SIRPB1: variants seen among roughly 807,000 people sequenced by gnomAD.
The protein encoded by SIRPB1 is signal regulatory protein beta 1, also known as signal-regulatory protein beta-1.
SIRPB1 carries 28 observed loss-of-function variants against 34.1 expected under a neutral mutation model. The observed-to-expected ratio is 0.82, with a 90% confidence interval of 0.61 to 1.12. SIRPB1 has a LOEUF of 1.12. Among genes scored for constraint, SIRPB1 ranks in the 50% most tolerant of loss-of-function variants. The pLI is 0.00. For synonymous variants in SIRPB1, 211 were observed against 203.8 expected, an observed-to-expected ratio of 1.04 and a Z score of -0.30; for missense variants, 499 against 507.0, an observed-to-expected ratio of 0.98 and a Z score of 0.15.
intron 1 of SIRPB1, among the ~76,000 whole-genome samples, chr20:1,613,786 A>T (rs1224650980): frequency 1.3e-5 from 2 of 152,172 alleles, no homozygotes; most frequent in Admixed American, 6.5e-5. Context: ...TTCCAGGGGG[A>T]AAAAAGAGAA....
At chr20:1,579,498 T>C (rs1324850541) in intron 1 of SIRPB1, among the ~76,000 whole-genome samples, 1 of 148,464 alleles carries the variant, frequency 6.7e-6, no homozygotes, top group Non-Finnish European at 1.5e-5. Context: ...GATCAATTTC[T>C]CCCTTCCGGA....
rs1157994089 is a variant in SIRPB1, at chr20:1,578,519, GC to G, written c.251del (p.Gly84AlafsTer6). The G allele has an allele frequency of 1.0e-5, 16 of 1,583,730 alleles. 3 individuals carry two copies. Among genetic ancestry groups the G allele is most frequent in the Non-Finnish European group, 1.4e-5 (16 of 1,157,628 alleles). ...GRELIYNQKE[G>X]HFPRVTTVSE... ...AAACAGTTGTTACCCGTGGGAAGTG[GC>G]CTTCTTTCTGATTGTAGATTAATTC... is the stretch of plus-strand genomic sequence containing the variant. On this transcript the variant is annotated frameshift_variant, in exon 2 of 6. Coordinates refer to ENST00000381605, the MANE Select transcript of SIRPB1 (RefSeq NM_006065.5). LOFTEE classifies it high-confidence loss of function.
chr20:1,567,034 A>C (rs2122165379), intron 4 of SIRPB1, among the ~76,000 whole-genome samples: 1 of 152,246 alleles, frequency 6.6e-6, no homozygotes, highest in South Asian at 2.1e-4. Flanking sequence ...TCATGTTGGG[A>C]CTGTTTGCAT....
Position 1,578,452 on chromosome 20 carries a change from T to G in SIRPB1, c.319A>C (p.Ile107Leu), listed in dbSNP as rs1386871512. 3.2e-6 allele frequency: 5 copies of G among 1,584,636 alleles called. No individual in the cohort carries two copies. The highest frequency in any genetic ancestry group is 3.4e-5 in the Admixed American group (2 of 59,272). The change falls in exon 2 of 6, where the codon ATC becomes CTC. Residue 107 changes from isoleucine (I) to leucine (L), a missense_variant. Coordinates refer to ENST00000381605, the MANE Select transcript of SIRPB1 (RefSeq NM_006065.5). The stretch of plus-strand genomic sequence containing the variant: ...GCGTCTGCTGGGGTGATGTTACTGA[T>G]GCTGATGGAAAAGTCCAGGTTGTTT... Reference protein sequence around the residue: ...KRNNLDFSISISNITPADAGT... With the variant: ...KRNNLDFSISLSNITPADAGT...
intron 4 of SIRPB1, among the ~76,000 whole-genome samples, chr20:1,567,931 G>C (rs1399324754): frequency 1.3e-5 from 2 of 152,228 alleles, no homozygotes; most frequent in East Asian, 3.9e-4. Flanking sequence ...AGAAGGAATA[G>C]AGAATTGGGT....
intron 4 of SIRPB1, among the ~76,000 whole-genome samples, chr20:1,568,493 A>G (rs2091175428): frequency 6.6e-6 from 1 of 152,224 alleles, no homozygotes; most frequent in South Asian, 2.1e-4. Context: ...AAAAGACTCA[A>G]CCTTGTCCAG....
At chr20:1,617,305 G>A (rs1160634514) in intron 1 of SIRPB1, among the ~76,000 whole-genome samples, 1 of 152,130 alleles carries the variant, frequency 6.6e-6, no homozygotes, top group Non-Finnish European at 1.5e-5. Context: ...TCCATCAGCA[G>A]ATAAATGGAG....
rs1428614523 is a variant in SIRPB1 at position 1,613,302 on chromosome 20, CT to C, written c.76+6566del. Among the ~76,000 whole-genome samples, 4 of 74,036 alleles carry C rather than the reference CT, an allele frequency of 5.4e-5. 2 individuals carry two copies. Among genetic ancestry groups the C allele is most frequent in the Non-Finnish European group, 5.2e-5 (2 of 38,510 alleles). 48.6% of individuals were successfully genotyped at this position (74,036 alleles called of 152,430 possible). A position where few individuals can be genotyped will look rare whatever the true frequency, so the allele number is the denominator to read the frequency against. ...AGTTACATCTTCCCACCACTCTAAC[CT>C]CTTGCATCTTCACATGCAAACATCC... is the stretch of plus-strand genomic sequence containing the variant. On this transcript the variant is annotated intron_variant, in intron 1 of 5. Coordinates refer to ENST00000381605, the MANE Select transcript of SIRPB1 (RefSeq NM_006065.5).
At chr20:1,568,511 A>C (rs2091175842) in intron 4 of SIRPB1, among the ~76,000 whole-genome samples, 1 of 152,248 alleles carries the variant, frequency 6.6e-6, no homozygotes, top group Non-Finnish European at 1.5e-5. Context: ...CAGATGGTAC[A>C]GACTCATCTC....
At chr20:1,583,848 T>TTAA (rs2091410473) in intron 1 of SIRPB1, among the ~76,000 whole-genome samples, 1 of 32,578 alleles carries the variant, frequency 3.1e-5, no homozygotes, top group Non-Finnish European at 5.5e-5. Context: ...AAGGGAAGTC[T>TTAA]TACTACTACT....
At chr20:1,618,863 T>C (rs1043353980) in intron 1 of SIRPB1, among the ~76,000 whole-genome samples, 2 of 152,102 alleles carry the variant, frequency 1.3e-5, no homozygotes, top group African/African-American at 4.8e-5. Context: ...CCAAAGGAGG[T>C]TGTAGTACCT....
At position 1,611,129 on chromosome 20, in the gene SIRPB1, A is replaced by G. The variant is rs1324057573; in HGVS notation, c.76+8740T>C. The stretch of plus-strand genomic sequence containing the variant: ...GAAACACAAGAGCTGTAGAGCCGCA[A>G]GCTGGGGATGCCTTCTGTCCCATCA... On this transcript the variant is annotated intron_variant, in intron 1 of 5. Transcript: ENST00000381605. Among the ~76,000 whole-genome samples, 3 of 72,446 alleles carry G rather than the reference A, an allele frequency of 4.1e-5. 1 individual carries two copies. The highest frequency in any genetic ancestry group is 2.6e-4 in the African/African-American group (3 of 11,416). The allele number at this position is 72,446 out of a possible 152,430, so 47.5% of individuals were successfully genotyped here.
At position 1,571,775 on chromosome 20, in the gene SIRPB1, G is replaced by A. The variant is rs1426242948; in HGVS notation, c.696C>T (p.Ile232=). The A allele has an allele frequency of 5.0e-6, 8 of 1,614,246 alleles. No homozygotes were observed. Among genetic ancestry groups the A allele is most frequent in the Non-Finnish European group, 6.8e-6 (8 of 1,180,044 alleles). ...CACGAAGAGGGTCCCCCTGCAAGGTGATGTGGGCTATCTCGCAGATGACTT... is the reference window on the plus strand; with the variant it reads ...CACGAAGAGGGTCCCCCTGCAAGGTAATGTGGGCTATCTCGCAGATGACTT... The part of the protein sequence containing the change: ...HSQVICEIAH[I]TLQGDPLRGT... Residue 232 remains isoleucine, a synonymous_variant, in exon 3 of 6, where the codon ATC becomes ATT. Transcript: ENST00000381605.
chr20:1,611,571 T>G (rs1349836820), intron 1 of SIRPB1: 1 of 1,119,238 alleles, frequency 8.9e-7, no homozygotes, highest in East Asian at 2.8e-5. Flanking sequence ...ATTCCCGGCC[T>G]GGTCCAGCTC....
In SIRPB1 at chr20:1,564,882, C is replaced by T. The variant is rs1240668370; in HGVS notation, c.*618G>A. The T allele has an allele frequency of 2.3e-5, 9 of 398,412 alleles. No individual in the cohort carries two copies. Among genetic ancestry groups the T allele is most frequent in the Admixed American group, 4.4e-5 (1 of 22,702 alleles). 24.7% of individuals were successfully genotyped at this position (398,412 alleles called of 1,614,324 possible). ...AATATGAGTTGTAAAGGGCAGTCAT[C>T]GAGGGCTCCTCAATGTTGGGCTGTG... is the stretch of plus-strand genomic sequence containing the variant. On this transcript the variant is annotated 3_prime_UTR_variant, in exon 6 of 6. Transcript: ENST00000381605.
chr20:1,571,606 T>C, intron 3 of SIRPB1, 114 bp downstream of exon 3: 1 of 1,481,016 alleles, frequency 6.8e-7, no homozygotes, highest in Non-Finnish European at 9.2e-7. Flanking sequence ...GCATGGGAGG[T>C]GGACAACACA....
rs779693603 is a variant in SIRPB1 at position 1,570,851 on chromosome 20, C to T, written c.1038G>A (p.Leu346=). 7 of 1,614,066 alleles carry T rather than the reference C, an allele frequency of 4.3e-6. No individual in the cohort carries two copies. The African/African-American group carries it at 9.3e-5, about 22-fold the overall frequency. ...GCTCCTTCTGGTGCGCTGAGATCTC[C>T]AGGGCATAGCTTTTGCTGACTGCTT... ...GQQAVSKSYA[L]EISAHQKEHG... is the part of the protein sequence containing the mutation. Residue 346 remains leucine, a synonymous_variant, in exon 4 of 6, where the codon CTG becomes CTA. Coordinates refer to ENST00000381605, the MANE Select transcript of SIRPB1 (RefSeq NM_006065.5).
rs1222590728 is a variant in SIRPB1, at chr20:1,612,565, G to T, written c.76+7304C>A. Among the ~76,000 whole-genome samples, 5 of 72,052 alleles carry T rather than the reference G, an allele frequency of 6.9e-5. 2 individuals carry two copies. 47.3% of individuals were successfully genotyped at this position (72,052 alleles called of 152,430 possible). ...TTTCTCCCTTCCTGAGACCCACAAG[G>T]CTCTAATGGGGCCTGCTCCATTGCC... is the stretch of plus-strand genomic sequence containing the variant. On this transcript the variant is annotated intron_variant, in intron 1 of 5. Transcript: ENST00000381605.
At chr20:1,619,089 GA>G (rs1258824277) in intron 1 of SIRPB1, among the ~76,000 whole-genome samples, 1 of 152,184 alleles carries the variant, frequency 6.6e-6, no homozygotes, top group African/African-American at 2.4e-5. Context: ...TTAAGACACA[GA>G]GAGAAAATGG....
Sources: gnomAD v4.1 joint callset for allele counts (sites outside exome capture counted in the v4.1 genomes callset) on GRCh38, gnomAD v4.1.1 for gene constraint, MANE v1.5 for transcripts, NCBI Gene and HGNC (gene_info 2026-07-23, HGNC 2026-07-21) for gene names.